The following OXR1 variants were observed in gnomAD, a reference collection of about 807,000 sequenced individuals.
OXR1 encodes oxidation resistance protein 1.
A neutral mutation model predicts 104.6 loss-of-function variants in OXR1; 41 were observed. That is an observed-to-expected ratio of 0.39 (90% confidence interval 0.31 to 0.51). The LOEUF (loss-of-function observed/expected upper bound fraction) is 0.51. OXR1 is among the 20% of genes least tolerant of loss of function. OXR1 has a pLI of 0.77. For missense variants in OXR1, 955 were observed against 1,031.9 expected (o/e 0.93, Z 1.02); for synonymous variants, 348 against 348.4 (o/e 1.00, Z 0.01).
chr8:106,591,518 T>C (rs942449439), intron 3 of OXR1, among the ~76,000 whole-genome samples: 1 of 151,896 alleles, frequency 6.6e-6, no homozygotes, highest in African/African-American at 2.4e-5. Context: ...AAAAAATAAC[T>C]CTTACTCTTA....
intron 2 of OXR1, among the ~76,000 whole-genome samples, chr8:106,423,963 G>A (rs1819006466): frequency 6.6e-6 from 1 of 152,106 alleles, no homozygotes; most frequent in Non-Finnish European, 1.5e-5. Flanking sequence ...TTGAGACAGA[G>A]TCTCGCTGTG....
chr8:106,469,299 T>G (rs1295821289), intron 2 of OXR1, among the ~76,000 whole-genome samples: 2 of 151,800 alleles, frequency 1.3e-5, no homozygotes, highest in Admixed American at 1.3e-4. Context: ...CCAGTTTGAA[T>G]GCATGAGAAT....
chr8:106,325,974 GTAAA>G, intron 1 of OXR1, among the ~76,000 whole-genome samples: 1 of 152,316 alleles, frequency 6.6e-6, no homozygotes, highest in South Asian at 2.1e-4. Context: ...TAAAAGAACA[GTAAA>G]TAACAGACAT....
At chr8:106,282,636 A>G (rs1294481822) in intron 1 of OXR1, among the ~76,000 whole-genome samples, 1 of 152,218 alleles carries the variant, frequency 6.6e-6, no homozygotes, top group Non-Finnish European at 1.5e-5. Flanking sequence ...AGAAAATTAT[A>G]AGGAAGATAA....
intron 1 of OXR1, among the ~76,000 whole-genome samples, chr8:106,339,233 C>T (rs892229119): frequency 6.6e-6 from 1 of 151,668 alleles, no homozygotes; most frequent in African/African-American, 2.4e-5. Flanking sequence ...TGGTGGCTCA[C>T]GCCTGTAATC....
At chr8:106,679,917 A>T (rs921261236) in intron 4 of OXR1, among the ~76,000 whole-genome samples, 1 of 152,000 alleles carries the variant, frequency 6.6e-6, no homozygotes, top group African/African-American at 2.4e-5. Context: ...GTTTATTTGG[A>T]TAATGTTAAC....
At chr8:106,623,535 T>C (rs939606690) in intron 3 of OXR1, among the ~76,000 whole-genome samples, 1 of 152,000 alleles carries the variant, frequency 6.6e-6, no homozygotes, top group Non-Finnish European at 1.5e-5. Context: ...AAACTCTAAA[T>C]TGGAATTCAG....
rs563373722 is a variant in OXR1 at position 106,397,607 on chromosome 8, C to A, written c.23+37971C>A. Among the ~76,000 whole-genome samples, 102 of 151,708 alleles carry A rather than the reference C, an allele frequency of 6.7e-4. No homozygotes were observed. In the Middle Eastern group the frequency reaches 0.014, roughly 20 times the overall value. ...AAATAAATAAAGTATTGATTAGTTC[C>A]TGTTTGGGGATTTAAATCTACAGAT... is the stretch of plus-strand genomic sequence containing the variant. On this transcript the variant is annotated intron_variant, in intron 2 of 16. Transcript: ENST00000517566.
chr8:106,366,385 A>T (rs1054035524), intron 2 of OXR1, among the ~76,000 whole-genome samples: 2 of 152,208 alleles, frequency 1.3e-5, no homozygotes, highest in Non-Finnish European at 2.9e-5. Flanking sequence ...GTTTCTAAAC[A>T]CCACCCATTT....
intron 2 of OXR1, among the ~76,000 whole-genome samples, chr8:106,451,014 T>G (rs1182174785): frequency 3.3e-5 from 5 of 152,156 alleles, no homozygotes; most frequent in Non-Finnish European, 7.3e-5. Context: ...ATATAACACA[T>G]CCTTTGCACT....
At chr8:106,311,648 G>C (rs1813706105) in intron 1 of OXR1, among the ~76,000 whole-genome samples, 1 of 152,044 alleles carries the variant, frequency 6.6e-6, no homozygotes, top group African/African-American at 2.4e-5. Context: ...GTAGGGATTG[G>C]ATCTAAGAGC....
chr8:106,526,594 G>A (rs184273210), intron 3 of OXR1, among the ~76,000 whole-genome samples: 1 of 152,236 alleles, frequency 6.6e-6, no homozygotes, highest in Non-Finnish European at 1.5e-5. Context: ...CCAGGCTGGA[G>A]TGCAGTGGCG....
At chr8:106,686,042 G>A (rs1187313617) in intron 6 of OXR1, among the ~76,000 whole-genome samples, 2 of 152,026 alleles carry the variant, frequency 1.3e-5, no homozygotes, top group African/African-American at 2.4e-5. Flanking sequence ...ACTAAACATC[G>A]CACGTACTCA....
chr8:106,411,729 T>G (rs1022847165), intron 2 of OXR1, among the ~76,000 whole-genome samples: 2 of 152,152 alleles, frequency 1.3e-5, no homozygotes, highest in African/African-American at 4.8e-5. Flanking sequence ...ACTTTGGCCT[T>G]TTAGAATCTA....
chr8:106,357,308 G>A (rs1291330679), intron 1 of OXR1, among the ~76,000 whole-genome samples: 2 of 151,952 alleles, frequency 1.3e-5, no homozygotes, highest in African/African-American at 4.8e-5. Context: ...CTGTTGTGGT[G>A]TCAGAATTTG....
chr8:106,498,701 G>A (rs1423905710), intron 2 of OXR1, among the ~76,000 whole-genome samples: 2 of 152,090 alleles, frequency 1.3e-5, no homozygotes, highest in South Asian at 2.1e-4. Flanking sequence ...ATGTGTATGT[G>A]TAAATTACAT....
intron 3 of OXR1, among the ~76,000 whole-genome samples, chr8:106,522,310 C>T (rs1238603284): frequency 6.6e-6 from 1 of 152,172 alleles, no homozygotes; most frequent in East Asian, 1.9e-4. Context: ...AACCTATGCA[C>T]ATGCTCCTGT....
chr8:106,275,859 T>A (rs1010119283), intron 1 of OXR1, among the ~76,000 whole-genome samples: 2 of 152,194 alleles, frequency 1.3e-5, no homozygotes, highest in Non-Finnish European at 2.9e-5. Flanking sequence ...TATCTTTTTT[T>A]AAAATTTCAT....
chr8:106,616,208 A>AT (rs1329472330), intron 3 of OXR1, among the ~76,000 whole-genome samples: 1 of 137,354 alleles, frequency 7.3e-6, no homozygotes, highest in Admixed American at 7.3e-5. Flanking sequence ...TGCCTGGCTA[A>AT]TTTTTTGGAA....
Sources: allele counts gnomAD v4.1 joint callset (sites outside exome capture counted in the v4.1 genomes callset), GRCh38; gene constraint gnomAD v4.1.1; transcripts MANE v1.5; gene names NCBI Gene and HGNC (gene_info 2026-07-23, HGNC 2026-07-21).